Variants in IL1RAPL2 observed in about 807,000 individuals in gnomAD.
IL1RAPL2 encodes the protein X-linked interleukin-1 receptor accessory protein-like 2.
A neutral mutation model predicts 44.1 loss-of-function variants in IL1RAPL2; 3 were observed. That is an observed-to-expected ratio of 0.07 (90% CI 0.03 to 0.18). The LOEUF (loss-of-function observed/expected upper bound fraction) is 0.18, where lower values mean the gene tolerates loss of function less well. IL1RAPL2 is among the 10% of genes least tolerant of loss of function. The pLI is 1.00. For missense variants in IL1RAPL2, 391 were observed against 496.4 expected (o/e 0.79, Z 2.02); for synonymous variants, 181 against 178.8 (o/e 1.01, Z -0.10).
intron 5 of IL1RAPL2, among the ~76,000 whole-genome samples, chrX:105,434,113 C>T (rs1156546973): frequency 5.4e-5 from 6 of 111,487 alleles, no homozygotes; most frequent in Admixed American, 9.5e-5. Context: ...GCTAAATAAG[C>T]GCATGAAAAG....
At chrX:105,180,373 A>C (rs1366454057) in intron 2 of IL1RAPL2, among the ~76,000 whole-genome samples, 1 of 110,871 alleles carries the variant, frequency 9.0e-6, no homozygotes, top group Admixed American at 9.5e-5. Flanking sequence ...AAAAGAAAAG[A>C]AAAAAAGAAA....
Position 105,270,401 on chromosome X carries a change from A to G in IL1RAPL2, c.697+2860A>G, listed in dbSNP as rs138195439. ...GTAACCAAGGAAAATGTGTCAAGGTAGTGTGTGGGTAAAAGCGACTTCAAC... is the reference window on the plus strand; with the variant it reads ...GTAACCAAGGAAAATGTGTCAAGGTGGTGTGTGGGTAAAAGCGACTTCAAC... On this transcript the variant is annotated intron_variant, in intron 5 of 10. Coordinates refer to ENST00000372582, the MANE Select transcript of IL1RAPL2 (RefSeq NM_017416.2). 1.4e-3 allele frequency among the ~76,000 whole-genome samples: 152 copies of G among 111,765 alleles called. 1 individual carries two copies. The highest frequency in any genetic ancestry group is 4.6e-3 in the African/African-American group (142 of 30,876).
chrX:104,583,272 TA>T (rs1364225970), intron 1 of IL1RAPL2, among the ~76,000 whole-genome samples: 2 of 111,446 alleles, frequency 1.8e-5, no homozygotes, highest in African/African-American at 6.5e-5. Flanking sequence ...TTTATCCATT[TA>T]AAGTGTATAA....
chrX:104,880,217 G>A (rs1167534357), intron 2 of IL1RAPL2, among the ~76,000 whole-genome samples: 2 of 111,097 alleles, frequency 1.8e-5, no homozygotes, highest in African/African-American at 6.5e-5. Context: ...TCTTAGAATT[G>A]GGGACATATG....
At chrX:105,646,712 C>A (rs2037608594) in intron 6 of IL1RAPL2, among the ~76,000 whole-genome samples, 1 of 112,134 alleles carries the variant, frequency 8.9e-6, no homozygotes, top group Non-Finnish European at 1.9e-5. Context: ...CCTATATCCC[C>A]ATGACAGCAA....
intron 5 of IL1RAPL2, among the ~76,000 whole-genome samples, chrX:105,439,721 G>A (rs777948786): frequency 3.6e-5 from 4 of 111,643 alleles, no homozygotes; most frequent in Non-Finnish European, 5.6e-5. Flanking sequence ...CCAGAGCGAT[G>A]TTTTGTATGT....
intron 2 of IL1RAPL2, among the ~76,000 whole-genome samples, chrX:104,906,599 G>C (rs1383404537): frequency 8.9e-6 from 1 of 111,912 alleles, no homozygotes; most frequent in African/African-American, 3.2e-5. Flanking sequence ...TTTATATGCT[G>C]GATTACATTT....
intron 6 of IL1RAPL2, among the ~76,000 whole-genome samples, chrX:105,500,802 G>C (rs1345211208): frequency 9.0e-6 from 1 of 110,989 alleles, no homozygotes; most frequent in Non-Finnish European, 1.9e-5. Flanking sequence ...TTTTATTTTT[G>C]TTCACACAGG....
At chrX:105,679,399 A>AATTG (rs1275313685) in intron 6 of IL1RAPL2, among the ~76,000 whole-genome samples, 1 of 112,002 alleles carries the variant, frequency 8.9e-6, no homozygotes, top group Non-Finnish European at 1.9e-5. Context: ...CAGACACAAA[A>AATTG]ATTGATTAAG....
chrX:105,213,577 TC>T (rs2033825920), intron 3 of IL1RAPL2, among the ~76,000 whole-genome samples: 1 of 110,589 alleles, frequency 9.0e-6, no homozygotes, highest in Admixed American at 9.6e-5. Context: ...CAGGAGAACT[TC>T]CCCAACCTAG....
chrX:104,823,620 T>C (rs1397345187), intron 2 of IL1RAPL2, among the ~76,000 whole-genome samples: 1 of 108,750 alleles, frequency 9.2e-6, no homozygotes, highest in East Asian at 2.9e-4. Flanking sequence ...TACCCAGTAA[T>C]GGGATGGCTG....
At chrX:105,227,782 T>C (rs1429463126) in intron 3 of IL1RAPL2, among the ~76,000 whole-genome samples, 1 of 112,268 alleles carries the variant, frequency 8.9e-6, no homozygotes, top group African/African-American at 3.2e-5. Flanking sequence ...CCCTTTCCAA[T>C]CAAGCTTAAA....
intron 6 of IL1RAPL2, among the ~76,000 whole-genome samples, chrX:105,542,595 G>A (rs1189481179): frequency 9.0e-6 from 1 of 110,503 alleles, no homozygotes. Context: ...GAGAAAGGGT[G>A]GGATCACTAA....
At chrX:105,052,069 A>G (rs1426262026) in intron 2 of IL1RAPL2, among the ~76,000 whole-genome samples, 1 of 112,823 alleles carries the variant, frequency 8.9e-6, no homozygotes, top group Non-Finnish European at 1.9e-5. Context: ...AGAGTGACTT[A>G]TACAACGTAT....
chrX:104,917,534 G>C (rs1158891299), intron 2 of IL1RAPL2, among the ~76,000 whole-genome samples: 9 of 111,536 alleles, frequency 8.1e-5, no homozygotes, highest in African/African-American at 2.9e-4. Context: ...TCTAAAGGGA[G>C]GGCTTTGCCA....
intron 6 of IL1RAPL2, among the ~76,000 whole-genome samples, chrX:105,625,360 A>G (rs1207718199): frequency 8.9e-6 from 1 of 111,807 alleles, no homozygotes; most frequent in Non-Finnish European, 1.9e-5. Context: ...AAAGGGTATG[A>G]CAGATATGTG....
At chrX:105,502,650 T>G (rs1270534722) in intron 6 of IL1RAPL2, among the ~76,000 whole-genome samples, 1 of 111,251 alleles carries the variant, frequency 9.0e-6, no homozygotes, top group Non-Finnish European at 1.9e-5. Flanking sequence ...CCCCCAAACC[T>G]TTTTCATAGG....
chrX:104,926,306 T>C (rs2147694586), intron 2 of IL1RAPL2, among the ~76,000 whole-genome samples: 1 of 112,434 alleles, frequency 8.9e-6, no homozygotes, highest in South Asian at 3.7e-4. Flanking sequence ...TTTAGGTGTA[T>C]TTCGTGGCAC....
At chrX:104,892,469 G>T (rs1923489240) in intron 2 of IL1RAPL2, among the ~76,000 whole-genome samples, 1 of 111,342 alleles carries the variant, frequency 9.0e-6, no homozygotes, top group Non-Finnish European at 1.9e-5. Context: ...CAATTTCAGA[G>T]ACTGTTATTG....
Sources: gnomAD v4.1 joint callset for allele counts (sites outside exome capture counted in the v4.1 genomes callset) on GRCh38, gnomAD v4.1.1 for gene constraint, MANE v1.5 for transcripts, NCBI Gene and HGNC (gene_info 2026-07-23, HGNC 2026-07-21) for gene names.